The following SRP68 variants were observed in gnomAD, a reference collection of about 807,000 sequenced individuals.
SRP68 encodes signal recognition particle subunit SRP68.
A neutral mutation model predicts 82.2 loss-of-function variants in SRP68; 15 were observed. That is an observed-to-expected ratio of 0.18 (90% CI 0.12 to 0.28). The LOEUF (loss-of-function observed/expected upper bound fraction) is 0.28. Among genes scored for constraint, SRP68 ranks in the 10% least tolerant of loss-of-function variants. The probability of loss-of-function intolerance (pLI) is 1.00; values close to 1 mark genes in which losing one functional copy is unlikely to be tolerated. For missense variants in SRP68, 595 were observed against 780.5 expected (o/e 0.76, Z 2.83); for synonymous variants, 261 against 292.6 (o/e 0.89, Z 1.10).
chr17:76,053,426 G>A, intron 8 of SRP68: 1 of 984,606 alleles, frequency 1.0e-6, no homozygotes, highest in South Asian at 4.7e-5. Context: ...CGGCGTTCAA[G>A]AAAAGAGCGA....
intron 13 of SRP68, 136 bp downstream of exon 13, chr17:76,043,693 G>C (rs1279050224): frequency 3.3e-6 from 3 of 896,004 alleles, no homozygotes; most frequent in Non-Finnish European, 4.8e-6. Flanking sequence ...TGGGCAGTCA[G>C]GGCTACACCA....
At chr17:76,040,662 G>C in intron 14 of SRP68, 188 bp from the exon 15 acceptor site, 1 of 684,680 alleles carries the variant, frequency 1.5e-6, no homozygotes, top group African/African-American at 1.8e-5. Context: ...CAATGCCGTC[G>C]GCCCAGTGAA....
intron 7 of SRP68, among the ~76,000 whole-genome samples, 164 bp from the exon 8 acceptor site, chr17:76,057,707 C>G (rs973862066): frequency 6.6e-6 from 1 of 152,124 alleles, no homozygotes; most frequent in Non-Finnish European, 1.5e-5. Context: ...GACAGTCTTG[C>G]TCTGTCACCC....
At chr17:76,041,869 T>A (rs1422656870) in intron 13 of SRP68, among the ~76,000 whole-genome samples, 1 of 151,990 alleles carries the variant, frequency 6.6e-6, no homozygotes. Context: ...CGTGACTCCA[T>A]CAACGACAGG....
chr17:76,044,078 C>T (rs759036712), intron 12 of SRP68, 120 bp from the exon 13 acceptor site: 24 of 1,087,792 alleles, frequency 2.2e-5, no homozygotes, highest in East Asian at 3.0e-5. Context: ...GTGGGATCAC[C>T]GCATGGGAGC....
At chr17:76,066,589 A>G (rs563025287) in intron 3 of SRP68, among the ~76,000 whole-genome samples, 5 of 149,616 alleles carry the variant, frequency 3.3e-5, no homozygotes, top group African/African-American at 1.2e-4. Flanking sequence ...TGACTTCAAC[A>G]TTTGCCATCC....
In SRP68 at chr17:76,040,594, G is replaced by A. The variant is rs1198196145; in HGVS notation, c.1601-120C>T. On this transcript the variant is annotated intron_variant, in intron 14 of 15. Coordinates refer to ENST00000307877, the MANE Select transcript of SRP68 (RefSeq NM_014230.4). ...AAAGCAAAAGGAGCCAGCATGTGGG[G>A]AAGCCAGGCCTGTCTCCTGCTGAGA... 5 of 968,672 alleles carry A rather than the reference G, an allele frequency of 5.2e-6. No homozygotes were observed. The African/African-American group carries it at 6.4e-5, about 12-fold the overall frequency. 60.0% of individuals were successfully genotyped at this position (968,672 alleles called of 1,614,324 possible).
At chr17:76,040,792 G>T in intron 14 of SRP68, 111 bp downstream of exon 14, 1 of 1,049,772 alleles carries the variant, frequency 9.5e-7, no homozygotes, top group Non-Finnish European at 1.4e-6. Context: ...ACATCTTACA[G>T]ATGAACCAAG....
In SRP68 at chr17:76,070,461, G is replaced by A. The variant is rs1276129499; in HGVS notation, c.185-17C>T. On this transcript the variant is annotated splice_polypyrimidine_tract_variant and intron_variant, in intron 1 of 15. Transcript: ENST00000307877. ...TCTGAAGAACTAGAGTCGAGATTAA[G>A]GAAAATCTTACCATAGCAAGAATCC... is the stretch of plus-strand genomic sequence containing the variant. The A allele has an allele frequency of 1.9e-6, 3 of 1,610,072 alleles. No homozygotes were observed. Among genetic ancestry groups the A allele is most frequent in the Non-Finnish European group, 2.5e-6 (3 of 1,176,554 alleles).
chr17:76,072,511 G>C lies in SRP68; in HGVS notation c.-20C>G. ...AGCCATCTTGCCCCTGCGCCGCAGA[G>C]CAAGACGGGATAGGGGAGGCGGGAC... On this transcript the variant is annotated 5_prime_UTR_variant, in exon 1 of 16. Coordinates refer to ENST00000307877, the MANE Select transcript of SRP68 (RefSeq NM_014230.4). This position sits in a 1 kb window ranked among gnomAD's most constrained non-coding sequence, Gnocchi z 4.5. 6.3e-7 allele frequency: 1 copy of C among 1,577,840 alleles called. No individual in the cohort carries two copies. The highest frequency in any genetic ancestry group is 8.5e-7 in the Non-Finnish European group (1 of 1,171,832).
At chr17:76,062,738 T>TATATATATAAA (rs2066773720) in intron 4 of SRP68, among the ~76,000 whole-genome samples, 1 of 21,716 alleles carries the variant, frequency 4.6e-5, no homozygotes, top group African/African-American at 3.8e-4. Flanking sequence ...TTTATATATA[T>TATATATATAAA]ATATATATAT....
chr17:76,040,203 C>T (rs2066578825), intron 15 of SRP68, among the ~76,000 whole-genome samples: 1 of 152,216 alleles, frequency 6.6e-6, no homozygotes, highest in Non-Finnish European at 1.5e-5. Flanking sequence ...CCCACGGGTG[C>T]TACTCTTTAC....
intron 12 of SRP68, among the ~76,000 whole-genome samples, chr17:76,044,368 G>A (rs1325661028): frequency 5.9e-5 from 9 of 152,190 alleles, no homozygotes; most frequent in Admixed American, 5.9e-4. Flanking sequence ...CTCACAGAAG[G>A]TTCTTCCTGA....
At chr17:76,069,695 A>T (rs1293128863) in intron 2 of SRP68, among the ~76,000 whole-genome samples, 2 of 151,578 alleles carry the variant, frequency 1.3e-5, no homozygotes, top group Non-Finnish European at 2.9e-5. Flanking sequence ...CAACAGAGTG[A>T]GACTCCGTAT....
Position 76,040,830 on chromosome 17 carries a change from T to C in SRP68, c.1600+73A>G, listed in dbSNP as rs899133566. The C allele has an allele frequency of 2.9e-6, 4 of 1,370,242 alleles. No individual in the cohort carries two copies. The African/African-American group carries it at 4.3e-5, about 15-fold the overall frequency. 84.9% of individuals were successfully genotyped at this position (1,370,242 alleles called of 1,614,324 possible). On this transcript the variant is annotated intron_variant, in intron 14 of 15. Transcript: ENST00000307877. The stretch of plus-strand genomic sequence containing the variant: ...AACCCTTTCAACCTTAAAACAGTAG[T>C]ATGGGGTGTGACAGAGAAGGGGAGT...
chr17:76,059,520 G>A (rs893355138), intron 7 of SRP68, among the ~76,000 whole-genome samples: 2 of 151,992 alleles, frequency 1.3e-5, no homozygotes, highest in Middle Eastern at 3.2e-3. Flanking sequence ...CCAGCCTGGC[G>A]ATAGAGCAAG....
At chr17:76,070,262 A>C (rs1186802875) in intron 2 of SRP68, 116 bp downstream of exon 2, 1 of 822,858 alleles carries the variant, frequency 1.2e-6, no homozygotes, top group Non-Finnish European at 1.9e-6. Flanking sequence ...ACAAACAAAA[A>C]AAACAATGCT....
intron 6 of SRP68, chr17:76,060,738 G>A (rs2066746995): frequency 3.0e-6 from 1 of 334,544 alleles, no homozygotes; most frequent in East Asian, 6.1e-5. Flanking sequence ...TCTGGTGGGG[G>A]AAGATGCTAA....
At chr17:76,048,722 G>C (rs541611205) in intron 9 of SRP68, 1 of 152,352 alleles carries the variant, frequency 6.6e-6, no homozygotes, top group South Asian at 2.1e-4. Context: ...TTCTGACCTC[G>C]AGAAGCGTAA....
Sources: allele counts gnomAD v4.1 joint callset (sites outside exome capture counted in the v4.1 genomes callset), GRCh38; gene constraint gnomAD v4.1.1; non-coding constraint Gnocchi (gnomAD v3.1); transcripts MANE v1.5; gene names NCBI Gene and HGNC (gene_info 2026-07-23, HGNC 2026-07-21).